Variants in MLLT6 observed in about 807,000 individuals in gnomAD.
The protein encoded by MLLT6 is protein AF-17.
Under a neutral mutation model 103.0 loss-of-function variants are expected in MLLT6, and 22 were observed. The observed-to-expected ratio is 0.21, with a 90% CI of 0.15 to 0.31. The LOEUF (loss-of-function observed/expected upper bound fraction) is 0.31, where lower values mean the gene tolerates loss of function less well. Among genes scored for constraint, MLLT6 ranks in the 10% least tolerant of loss-of-function variants. The pLI is 1.00. For missense variants in MLLT6, 1,199 were observed against 1,441.7 expected (o/e 0.83, Z 2.73); for synonymous variants, 606 against 623.5 (o/e 0.97, Z 0.42).
rs895389212 is a variant in MLLT6 at position 38,716,264 on chromosome 17, T to A, written c.1037-103T>A. The A allele has an allele frequency of 8.1e-6, 10 of 1,228,122 alleles. No homozygotes were observed. Among genetic ancestry groups the A allele is most frequent in the African/African-American group, 1.5e-5 (1 of 65,324 alleles). 76.1% of individuals were successfully genotyped at this position (1,228,122 alleles called of 1,614,324 possible). On this transcript the variant is annotated intron_variant, in intron 9 of 19. Coordinates refer to ENST00000621332, the MANE Select transcript of MLLT6 (RefSeq NM_005937.4). The surrounding 1 kb of genome is among the most constrained non-coding windows in gnomAD (Gnocchi z 5.6). Reference sequence around the variant, plus strand: ...CAGAGCTGAGACAGGAAACCAGGCATCCCCATTCGTGGACCAGAGCTCTCT... The same window carrying A: ...CAGAGCTGAGACAGGAAACCAGGCAACCCCATTCGTGGACCAGAGCTCTCT...
chr17:38,725,010 C>T, intron 19 of MLLT6, 34 bp downstream of exon 19: 3 of 1,376,716 alleles, frequency 2.2e-6, no homozygotes, highest in Non-Finnish European at 3.0e-6. Context: ...CCTGCCTCCC[C>T]TCTGAGGGAT....
At chr17:38,712,832 G>A (rs1403704670) in intron 8 of MLLT6, 43 bp downstream of exon 8, 1 of 1,468,472 alleles carries the variant, frequency 6.8e-7, no homozygotes, top group Non-Finnish European at 9.5e-7. Flanking sequence ...GTGGGTCTGG[G>A]GTGGCAGAGG....
At chr17:38,711,761 C>T in intron 6 of MLLT6, 86 bp from the exon 7 acceptor site, 1 of 1,435,540 alleles carries the variant, frequency 7.0e-7, no homozygotes, top group South Asian at 1.5e-5. Flanking sequence ...GGCTGACCCC[C>T]AGGATCAGGA....
chr17:38,725,856 A>T lies in MLLT6; in HGVS notation c.*258A>T. On this transcript the variant is annotated 3_prime_UTR_variant, in exon 20 of 20. Coordinates refer to ENST00000621332, the MANE Select transcript of MLLT6 (RefSeq NM_005937.4). ...GGAAGGACAGTCTGCAAGCCCGCCT[A>T]GGAGGTCCATCCCCAGCAAATGTTT... 2.1e-6 allele frequency: 1 copy of T among 480,638 alleles called. No individual in the cohort carries two copies. The highest frequency in any genetic ancestry group is 3.8e-5 in the South Asian group (1 of 26,408). 29.8% of individuals were successfully genotyped at this position (480,638 alleles called of 1,614,324 possible). A position where few individuals can be genotyped will look rare whatever the true frequency, so the allele number is the denominator to read the frequency against.
chr17:38,718,746 G>A (rs1239523116), intron 12 of MLLT6: 1 of 152,196 alleles, frequency 6.6e-6, no homozygotes, highest in African/African-American at 2.4e-5. Context: ...GTATTTACGA[G>A]TTAAGGGGGC....
intron 1 of MLLT6, 121 bp downstream of exon 1, chr17:38,705,862 G>A (rs1454029462): frequency 3.1e-6 from 1 of 317,486 alleles, no homozygotes; most frequent in African/African-American, 2.2e-5. Context: ...CCACCTGAAG[G>A]GAAGGGAGGC....
chr17:38,715,774 T>G lies in MLLT6; in HGVS notation c.982T>G (p.Ser328Ala), dbSNP rs371701573. 1.8e-5 allele frequency: 29 copies of G among 1,612,096 alleles called. No homozygotes were observed. The highest frequency in any genetic ancestry group is 5.5e-5 in the South Asian group (5 of 90,616). Reference protein sequence around the residue: ...GKGVSSFTSASSSSSSSSSSS... With the variant: ...GKGVSSFTSAASSSSSSSSSS... ...AGGTGTGAGCAGTTTTACCTCCGCC[T>G]CCTCTTCTTCCTCCTCCTCTTCCTC... Residue 328 changes from serine (S) to alanine (A), a missense_variant, in exon 9 of 20, where the codon TCC becomes GCC. Ser to Ala is a moderately conservative substitution (Grantham distance 99, BLOSUM62 1). Transcript: ENST00000621332.
intron 12 of MLLT6, 123 bp from the exon 13 acceptor site, chr17:38,719,394 G>C (rs1905545060): frequency 2.2e-6 from 2 of 901,502 alleles, no homozygotes; most frequent in Admixed American, 4.3e-5. Flanking sequence ...TGCCAGTGTG[G>C]GGTTGGGGAT....
intron 2 of MLLT6, 105 bp from the exon 3 acceptor site, chr17:38,707,381 C>T: frequency 9.7e-7 from 1 of 1,036,042 alleles, no homozygotes; most frequent in Non-Finnish European, 1.5e-6. Context: ...TAGCCCCATC[C>T]ATCCACCCTA....
Position 38,718,051 on chromosome 17 carries a change from GC to G in MLLT6, c.1942+103del. The stretch of plus-strand genomic sequence containing the variant: ...GAAAGAATGGGAGAGCTTTCTGGCT[GC>G]CCCCTCCCTCTGGCCATTGCCCTCC... On this transcript the variant is annotated intron_variant, in intron 12 of 19. Transcript: ENST00000621332. The G allele has an allele frequency of 3.5e-6, 3 of 847,558 alleles. No individual in the cohort carries two copies. The South Asian group carries it at 4.9e-5, about 14-fold the overall frequency. The allele number at this position is 847,558 out of a possible 1,614,324, so 52.5% of individuals were successfully genotyped here. A position where few individuals can be genotyped will look rare whatever the true frequency, so the allele number is the denominator to read the frequency against.
At chr17:38,711,776 CTAACCTTCTGGAAGCGT>C in intron 6 of MLLT6, 54 bp from the exon 7 acceptor site, 2 of 1,451,682 alleles carry the variant, frequency 1.4e-6, no homozygotes, top group Admixed American at 5.4e-5. Context: ...TCAGGATCCT[CTAACCTTCTGGAAGCGT>C]TCCCTAAGCC....
At position 38,707,027 on chromosome 17, in the gene MLLT6, G is replaced by A; in HGVS notation, c.187G>A (p.Val63Met). ...KCESQERAAR[V>M]RCELCPHKDG... ...TGAATCTCAGGAGCGAGCAGCCAGG[G>A]TGGTGAGTTCCAGACTGCCCCTCTC... is the stretch of plus-strand genomic sequence containing the variant. The change falls in exon 2 of 20, where the codon GTG (valine) becomes ATG (methionine). Residue 63 changes from valine (V) to methionine (M), a missense_variant and splice_region_variant. By Grantham distance (21) the Val-to-Met change is conservative. Around this residue, in one of 7 missense-constraint regions of MLLT6, gnomAD observed 26 missense variants for 44.5 expected, o/e 0.58. Transcript: ENST00000621332. 1.2e-6 allele frequency: 2 copies of A among 1,611,246 alleles called. No individual in the cohort carries two copies. Among genetic ancestry groups the A allele is most frequent in the Non-Finnish European group, 1.7e-6 (2 of 1,177,774 alleles).
rs766672365 is a variant in MLLT6, at chr17:38,716,929, G to A, written c.1599G>A (p.Gly533=). The change falls in exon 10 of 20, where the codon GGG becomes GGA. Residue 533 remains glycine (G), a synonymous_variant. Coordinates refer to ENST00000621332, the MANE Select transcript of MLLT6 (RefSeq NM_005937.4). The surrounding 1 kb of genome is among the most constrained non-coding windows in gnomAD (Gnocchi z 5.6). ...GAGGTCTGTCCTCCCGAACCTTTGG[G>A]CCTTCTGGGAGCTTGCCCAGCTTGA... ...GLGGLSSRTF[G]PSGSLPSLSL... 37 of 1,613,704 alleles carry A rather than the reference G, an allele frequency of 2.3e-5. No individual in the cohort carries two copies. The highest frequency in any genetic ancestry group is 2.5e-5 in the Non-Finnish European group (30 of 1,179,970).
At position 38,716,199 on chromosome 17, in the gene MLLT6, G is replaced by A. The variant is rs1051890842; in HGVS notation, c.1037-168G>A. On this transcript the variant is annotated intron_variant, in intron 9 of 19. Coordinates refer to ENST00000621332, the MANE Select transcript of MLLT6 (RefSeq NM_005937.4). The surrounding 1 kb of genome is among the most constrained non-coding windows in gnomAD (Gnocchi z 5.6). The stretch of plus-strand genomic sequence containing the variant: ...CCATTTTATTACAGGTGGGAAAGCT[G>A]GAGGGGTCGGGGGTACTCATCCCAG... The A allele has an allele frequency of 7.4e-6, 5 of 679,272 alleles. No individual in the cohort carries two copies. The highest frequency in any genetic ancestry group is 1.2e-5 in the Non-Finnish European group (5 of 411,102). 42.1% of individuals were successfully genotyped at this position (679,272 alleles called of 1,614,324 possible). A position where few individuals can be genotyped will look rare whatever the true frequency, so the allele number is the denominator to read the frequency against.
chr17:38,729,108 G>C lies in MLLT6; in HGVS notation c.*3510G>C, dbSNP rs1382513826. 2 of 233,152 alleles carry C rather than the reference G, an allele frequency of 8.6e-6. No individual in the cohort carries two copies. The highest frequency in any genetic ancestry group is 5.6e-5 in the Admixed American group (1 of 17,776). The allele number at this position is 233,152 out of a possible 1,614,324, so 14.4% of individuals were successfully genotyped here. ...AAGCCAGGGGCCAGCTCCGAGAAAG[G>C]GTAACCTCCACGCTTCTCTCTCCCA... On this transcript the variant is annotated 3_prime_UTR_variant, in exon 20 of 20. Coordinates refer to ENST00000621332, the MANE Select transcript of MLLT6 (RefSeq NM_005937.4).
Position 38,705,716 on chromosome 17 carries a change from C to A in MLLT6, c.84C>A (p.His28Gln). Residue 28 changes from histidine to glutamine, a missense_variant, in exon 1 of 20, where the codon CAC becomes CAA. This residue lies in a region of MLLT6 where 24 missense variants were observed against 38.7 expected (regional missense o/e 0.62). Coordinates refer to ENST00000621332, the MANE Select transcript of MLLT6 (RefSeq NM_005937.4). ...AENPLVYCDG[H>Q]ACSVAVHQAC... ...ACCCGCTGGTCTACTGCGATGGGCA[C>A]GCGTGCAGCGTGGCCGTCCACCAAG... is the stretch of plus-strand genomic sequence containing the variant. 6.6e-7 allele frequency: 1 copy of A among 1,526,316 alleles called. No homozygotes were observed. The highest frequency in any genetic ancestry group is 8.8e-7 in the Non-Finnish European group (1 of 1,132,026). The allele number at this position is 1,526,316 out of a possible 1,614,324, so 94.5% of individuals were successfully genotyped here.
chr17:38,708,059 G>A, intron 4 of MLLT6, 187 bp downstream of exon 4: 2 of 588,844 alleles, frequency 3.4e-6, no homozygotes, highest in Non-Finnish European at 6.1e-6. Flanking sequence ...GCACTCAGGT[G>A]AAATAGTAGG....
intron 2 of MLLT6, 140 bp downstream of exon 2, chr17:38,707,169 A>G: frequency 1.5e-6 from 1 of 662,796 alleles, no homozygotes; most frequent in Non-Finnish European, 2.5e-6. Flanking sequence ...CTGCACACCT[A>G]CCTCCAACCT....
rs1419341384 is a variant in MLLT6, at chr17:38,705,376, ATTG to A, written c.-252_-250del. The stretch of plus-strand genomic sequence containing the variant: ...GGGGCGAGCCCGGCGTGCGAGTCTC[ATTG>A]TTGTGGGGGGGGCCCGTCGGGGCAT... On this transcript the variant is annotated 5_prime_UTR_variant, in exon 1 of 20. Transcript: ENST00000621332. 2.2e-5 allele frequency among the ~76,000 whole-genome samples: 3 copies of A among 138,192 alleles called. No homozygotes were observed. Among genetic ancestry groups the A allele is most frequent in the Non-Finnish European group, 4.8e-5 (3 of 62,224 alleles). The allele number at this position is 138,192 out of a possible 152,430, so 90.7% of individuals were successfully genotyped here. A position where few individuals can be genotyped will look rare whatever the true frequency, so the allele number is the denominator to read the frequency against.
Sources: allele counts gnomAD v4.1 joint callset (sites outside exome capture counted in the v4.1 genomes callset), GRCh38; gene constraint gnomAD v4.1.1; regional missense constraint gnomAD v4.1.1; non-coding constraint Gnocchi (gnomAD v3.1); transcripts MANE v1.5; gene names NCBI Gene and HGNC (gene_info 2026-07-23, HGNC 2026-07-21).